The following GAB1 variants were observed in gnomAD, a reference collection of about 807,000 sequenced individuals.
GAB1 encodes the protein GRB2-associated-binding protein 1.
Under a neutral mutation model 66.5 loss-of-function variants are expected in GAB1, and 19 were observed. The ratio of observed to expected loss-of-function variants is 0.29; its 90% CI spans 0.20 to 0.42. The LOEUF (loss-of-function observed/expected upper bound fraction) is 0.42. Among genes scored for constraint, GAB1 ranks in the 10% least tolerant of loss-of-function variants. The pLI, the probability that GAB1 is intolerant of heterozygous loss-of-function variation, is 1.00. For synonymous variants in GAB1, 294 were observed against 301.4 expected (o/e 0.98, Z 0.25); for missense variants, 732 against 858.5 (o/e 0.85, Z 1.84).
rs1729918939 is a variant in GAB1 at position 143,367,216 on chromosome 4, G to A, written c.72+29956G>A. Among the ~76,000 whole-genome samples, 3 of 152,262 alleles carry A rather than the reference G, an allele frequency of 2.0e-5. No individual in the cohort carries two copies. The South Asian group carries it at 6.2e-4, about 32-fold the overall frequency. ...AAAACTTTGTCTCAGGAATTAAGGAGGATAACTACATTTTGGGAGAAAACC... is the reference window on the plus strand; with the variant it reads ...AAAACTTTGTCTCAGGAATTAAGGAAGATAACTACATTTTGGGAGAAAACC... On this transcript the variant is annotated intron_variant, in intron 1 of 9. Coordinates refer to ENST00000262994, the MANE Select transcript of GAB1 (RefSeq NM_002039.4).
chr4:143,438,951 C>T (rs914000099), intron 4 of GAB1, among the ~76,000 whole-genome samples: 1 of 152,132 alleles, frequency 6.6e-6, no homozygotes, highest in African/African-American at 2.4e-5. Context: ...CATACCCTTT[C>T]CTGTATTTGT....
At chr4:143,410,024 A>C (rs1446397339) in intron 1 of GAB1, among the ~76,000 whole-genome samples, 1 of 151,426 alleles carries the variant, frequency 6.6e-6, no homozygotes, top group Non-Finnish European at 1.5e-5. Context: ...ACTACAATTT[A>C]GTTGGCTTAA....
intron 9 of GAB1, 94 bp downstream of exon 9, chr4:143,466,319 A>C (rs1468203883): frequency 2.4e-6 from 3 of 1,260,554 alleles, no homozygotes; most frequent in Non-Finnish European, 3.3e-6. Flanking sequence ...TTATTAAGTT[A>C]TGTTTAATAT....
chr4:143,387,557 G>A (rs1332981300), intron 1 of GAB1, among the ~76,000 whole-genome samples: 1 of 152,172 alleles, frequency 6.6e-6, no homozygotes, highest in Non-Finnish European at 1.5e-5. Context: ...CTTTAAAGTG[G>A]AGCATCCTAA....
chr4:143,463,536 T>C (rs1300127855), intron 8 of GAB1, among the ~76,000 whole-genome samples: 1 of 151,236 alleles, frequency 6.6e-6, no homozygotes. Flanking sequence ...GGCAGGAGAA[T>C]TGCTTGAGCC....
intron 1 of GAB1, among the ~76,000 whole-genome samples, chr4:143,342,543 CTTTTTTTTTTTTTT>C (rs5862632): frequency 9.6e-5 from 6 of 62,484 alleles, no homozygotes; most frequent in South Asian, 6.7e-4. Context: ...GTGATAGATT[CTTTTTTTTTTTTTT>C]TTTTTTTTTT....
At chr4:143,360,123 CT>C (rs2149656038) in intron 1 of GAB1, among the ~76,000 whole-genome samples, 1 of 152,238 alleles carries the variant, frequency 6.6e-6, no homozygotes, top group African/African-American at 2.4e-5. Flanking sequence ...AATGATCTAA[CT>C]TTATATGAAT....
At chr4:143,449,690 A>G (rs1372609341) in intron 6 of GAB1, among the ~76,000 whole-genome samples, 1 of 152,100 alleles carries the variant, frequency 6.6e-6, no homozygotes, top group South Asian at 2.1e-4. Flanking sequence ...GTGTCTCTGC[A>G]TGTGAGATGG....
rs1169466115 is a variant in GAB1 at position 143,337,212 on chromosome 4, C to T, written c.24C>T (p.Cys8=). The part of the protein sequence containing the change: MSGGEVV[C]SGWLRKSPPE... ...CCATGAGCGGTGGTGAAGTGGTCTG[C>T]TCCGGATGGCTCCGCAAGTCCCCCC... Residue 8 remains cysteine (C), a synonymous_variant, in exon 1 of 10, where the codon TGC becomes TGT. Transcript: ENST00000262994. 6.3e-7 allele frequency: 1 copy of T among 1,584,504 alleles called. No individual in the cohort carries two copies. The highest frequency in any genetic ancestry group is 8.6e-7 in the Non-Finnish European group (1 of 1,165,248).
chr4:143,413,492 T>C (rs558549443), intron 1 of GAB1, among the ~76,000 whole-genome samples: 1 of 152,296 alleles, frequency 6.6e-6, no homozygotes, highest in South Asian at 2.1e-4. Flanking sequence ...GAGAAGTTAA[T>C]TTAAAATGTT....
chr4:143,438,146 A>C lies in GAB1; in HGVS notation c.741A>C (p.Ser247=). 6.2e-7 allele frequency: 1 copy of C among 1,613,962 alleles called. No individual in the cohort carries two copies. The highest frequency in any genetic ancestry group is 8.5e-7 in the Non-Finnish European group (1 of 1,179,984). Residue 247 remains serine (S), a synonymous_variant, in exon 4 of 10, where the codon TCA becomes TCC. Coordinates refer to ENST00000262994, the MANE Select transcript of GAB1 (RefSeq NM_002039.4). Reference sequence around the variant, plus strand: ...AAATGATATACGACTCTCCACCTTCACGTGCCCCATCTGCTTCAGTTGACT... The same window carrying C: ...AAATGATATACGACTCTCCACCTTCCCGTGCCCCATCTGCTTCAGTTGACT... ...QQQMIYDSPP[S]RAPSASVDSS...
chr4:143,415,846 T>C lies in GAB1; in HGVS notation c.367+75T>C, dbSNP rs1403354428. 7 of 1,179,250 alleles carry C rather than the reference T, an allele frequency of 5.9e-6. No individual in the cohort carries two copies. The Admixed American group carries it at 1.7e-4, about 29-fold the overall frequency. 73.0% of individuals were successfully genotyped at this position (1,179,250 alleles called of 1,614,324 possible). A position where few individuals can be genotyped will look rare whatever the true frequency, so the allele number is the denominator to read the frequency against. On this transcript the variant is annotated intron_variant, in intron 2 of 9. Coordinates refer to ENST00000262994, the MANE Select transcript of GAB1 (RefSeq NM_002039.4). The stretch of plus-strand genomic sequence containing the variant: ...TTTCCAGAAATGTCATACAATTCTT[T>C]GTTATTTTAGTTACACAATATAATG...
intron 1 of GAB1, among the ~76,000 whole-genome samples, chr4:143,400,184 C>G (rs978539338): frequency 2.6e-5 from 4 of 152,178 alleles, no homozygotes; most frequent in African/African-American, 9.6e-5. Flanking sequence ...CTCAAATGAT[C>G]CATCCTTCAT....
At chr4:143,450,854 G>A (rs1450616674) in intron 6 of GAB1, among the ~76,000 whole-genome samples, 1 of 151,276 alleles carries the variant, frequency 6.6e-6, no homozygotes, top group Non-Finnish European at 1.5e-5. Context: ...TCATGCTACT[G>A]CACTCCAGCC....
intron 8 of GAB1, among the ~76,000 whole-genome samples, chr4:143,464,538 T>A (rs1407220829): frequency 1.3e-5 from 2 of 152,210 alleles, no homozygotes; most frequent in African/African-American, 2.4e-5. Flanking sequence ...CCATTTTATA[T>A]ATTTTTTTAA....
chr4:143,421,645 C>T (rs1298507842), intron 2 of GAB1, among the ~76,000 whole-genome samples: 1 of 150,872 alleles, frequency 6.6e-6, no homozygotes, highest in African/African-American at 2.4e-5. Flanking sequence ...ACCAATTCAA[C>T]CAGAGAGTTT....
intron 9 of GAB1, among the ~76,000 whole-genome samples, chr4:143,466,831 T>C (rs1262782667): frequency 6.6e-6 from 1 of 152,152 alleles, no homozygotes; most frequent in Non-Finnish European, 1.5e-5. Flanking sequence ...CTAGTGTCTT[T>C]ACTCTCCTTA....
intron 6 of GAB1, among the ~76,000 whole-genome samples, chr4:143,455,841 T>A (rs1735158744): frequency 6.6e-6 from 1 of 152,116 alleles, no homozygotes; most frequent in Non-Finnish European, 1.5e-5. Flanking sequence ...TCCAAGCAGC[T>A]CCAACATAGT....
At chr4:143,386,728 A>C (rs994013081) in intron 1 of GAB1, among the ~76,000 whole-genome samples, 1 of 152,126 alleles carries the variant, frequency 6.6e-6, no homozygotes, top group Admixed American at 6.5e-5. Flanking sequence ...TATATGAAAC[A>C]AATTTTGATT....
Sources: gnomAD v4.1 joint callset for allele counts (sites outside exome capture counted in the v4.1 genomes callset) on GRCh38, gnomAD v4.1.1 for gene constraint, MANE v1.5 for transcripts, NCBI Gene and HGNC (gene_info 2026-07-23, HGNC 2026-07-21) for gene names.